The following SYT1 variants were observed in gnomAD, a reference collection of about 807,000 sequenced individuals.
SYT1 encodes synaptotagmin 1.
Under a neutral mutation model 44.8 loss-of-function variants are expected in SYT1, and 8 were observed. That is an observed-to-expected ratio of 0.18 (90% CI 0.10 to 0.32). SYT1 has a LOEUF of 0.32. SYT1 is among the 10% of genes least tolerant of loss of function. The probability of loss-of-function intolerance (pLI) is 1.00; values close to 1 mark genes in which losing one functional copy is unlikely to be tolerated. For synonymous variants in SYT1, 154 were observed against 188.8 expected (o/e 0.82, Z 1.51); for missense variants, 286 against 509.3 (o/e 0.56, Z 4.22).
chr12:79,409,559 A>G (rs1316289516), intron 9 of SYT1, among the ~76,000 whole-genome samples: 1 of 152,116 alleles, frequency 6.6e-6, no homozygotes, highest in African/African-American at 2.4e-5. Flanking sequence ...TTATACCTGA[A>G]TGGCCTAGAG....
At chr12:79,146,075 TC>T (rs1259692482) in intron 3 of SYT1, among the ~76,000 whole-genome samples, 4 of 152,126 alleles carry the variant, frequency 2.6e-5, no homozygotes, top group African/African-American at 9.7e-5. Flanking sequence ...GTGTTTTAAG[TC>T]CTGTGGAGGA....
intron 8 of SYT1, among the ~76,000 whole-genome samples, chr12:79,339,121 A>G (rs4842451): frequency 0.08 from 12,226 of 152,214 alleles, 1,187 homozygotes; most frequent in African/African-American, 0.24. Context: ...TAGTGCTGCA[A>G]TAAACATACG....
At chr12:78,912,440 T>C (rs1197603871) in intron 1 of SYT1, among the ~76,000 whole-genome samples, 1 of 151,840 alleles carries the variant, frequency 6.6e-6, no homozygotes, top group Non-Finnish European at 1.5e-5. Context: ...GGCTGAGACG[T>C]GGTGGAGAAT....
chr12:79,274,321 A>G (rs1592920473), intron 4 of SYT1, among the ~76,000 whole-genome samples: 2 of 152,266 alleles, frequency 1.3e-5, no homozygotes, highest in Admixed American at 6.5e-5. Flanking sequence ...TATTCTGAGC[A>G]TGAACTGCCT....
At chr12:79,000,094 G>A (rs757493020) in intron 2 of SYT1, among the ~76,000 whole-genome samples, 1 of 152,062 alleles carries the variant, frequency 6.6e-6, no homozygotes, top group Non-Finnish European at 1.5e-5. Context: ...CATCTCTAAA[G>A]TAATTCAAAA....
At chr12:79,286,210 C>A (rs1053190726) in intron 5 of SYT1, among the ~76,000 whole-genome samples, 1 of 152,158 alleles carries the variant, frequency 6.6e-6, no homozygotes, top group South Asian at 2.1e-4. Flanking sequence ...TCAGGCCCAT[C>A]TTGATGGGTT....
At chr12:79,415,660 A>G (rs1237553175) in intron 9 of SYT1, among the ~76,000 whole-genome samples, 3 of 152,202 alleles carry the variant, frequency 2.0e-5, no homozygotes, top group African/African-American at 7.2e-5. Context: ...CATAAACAAT[A>G]CTATTTTGAA....
chr12:79,161,264 G>A (rs1016074662), intron 3 of SYT1, among the ~76,000 whole-genome samples: 1 of 151,974 alleles, frequency 6.6e-6, no homozygotes, highest in Non-Finnish European at 1.5e-5. Flanking sequence ...TTATAAGACT[G>A]TATTTTTACT....
intron 3 of SYT1, among the ~76,000 whole-genome samples, chr12:79,179,493 C>A (rs948279392): frequency 1.9e-4 from 21 of 110,356 alleles, no homozygotes; most frequent in East Asian, 2.4e-4. Flanking sequence ...ATAGATATAT[C>A]TATATAGATA....
At chr12:79,402,976 T>C (rs1467994470) in intron 9 of SYT1, among the ~76,000 whole-genome samples, 1 of 152,202 alleles carries the variant, frequency 6.6e-6, no homozygotes. Context: ...ATTCAAAGCA[T>C]GGTTCCCATA....
At chr12:78,954,427 A>T (rs1451462424) in intron 1 of SYT1, among the ~76,000 whole-genome samples, 1 of 152,016 alleles carries the variant, frequency 6.6e-6, no homozygotes, top group African/African-American at 2.4e-5. Context: ...GTAATTTTTT[A>T]AATTACCAAA....
At position 79,244,764 on chromosome 12, in the gene SYT1, G is replaced by A. The variant is rs140921948; in HGVS notation, c.166+27079G>A. Among the ~76,000 whole-genome samples, 1,155 of 150,848 alleles carry A rather than the reference G, an allele frequency of 7.7e-3. 4 individuals carry two copies. The highest frequency in any genetic ancestry group is 0.014 in the African/African-American group (592 of 41,132). Reference sequence around the variant, plus strand: ...CTCCATGGTTATATTAACCTTCCCCGCTAAGTTTCCACACATCTCAGTTTA... The same window carrying A: ...CTCCATGGTTATATTAACCTTCCCCACTAAGTTTCCACACATCTCAGTTTA... On this transcript the variant is annotated intron_variant, in intron 4 of 10. Transcript: ENST00000261205.
chr12:79,041,455 G>C, intron 2 of SYT1, among the ~76,000 whole-genome samples: 1 of 150,852 alleles, frequency 6.6e-6, no homozygotes, highest in Non-Finnish European at 1.5e-5. Flanking sequence ...GAATGCTTGT[G>C]ATTTTTGTAC....
At chr12:79,211,265 T>C (rs980729493) in intron 3 of SYT1, among the ~76,000 whole-genome samples, 2 of 152,196 alleles carry the variant, frequency 1.3e-5, no homozygotes, top group Admixed American at 6.5e-5. Context: ...TTAGATACTT[T>C]TTATAACATC....
chr12:79,259,013 T>C (rs919264742), intron 4 of SYT1, among the ~76,000 whole-genome samples: 1 of 152,118 alleles, frequency 6.6e-6, no homozygotes, highest in Admixed American at 6.5e-5. Context: ...TATGAGAAAT[T>C]TGGACAGAAA....
At chr12:78,961,636 G>A (rs895091363) in intron 1 of SYT1, among the ~76,000 whole-genome samples, 21 of 151,974 alleles carry the variant, frequency 1.4e-4, no homozygotes, top group Non-Finnish European at 5.9e-5. Flanking sequence ...TGAGAAGGTA[G>A]TTATAGAATA....
intron 8 of SYT1, among the ~76,000 whole-genome samples, chr12:79,322,792 T>G (rs1249019060): frequency 6.6e-6 from 1 of 152,150 alleles, no homozygotes; most frequent in African/African-American, 2.4e-5. Flanking sequence ...TTGAGGCAGC[T>G]GGGAATGACT....
chr12:78,937,134 G>T (rs1173351087), intron 1 of SYT1, among the ~76,000 whole-genome samples: 3 of 152,192 alleles, frequency 2.0e-5, no homozygotes, highest in African/African-American at 7.2e-5. Flanking sequence ...CAAGGGCCTA[G>T]AATCAGGAAG....
chr12:79,164,134 A>G (rs1229668698), intron 3 of SYT1, among the ~76,000 whole-genome samples: 2 of 152,124 alleles, frequency 1.3e-5, no homozygotes, highest in Non-Finnish European at 2.9e-5. Flanking sequence ...TAAAGTAAGC[A>G]TGGTATTATC....
Sources: gnomAD v4.1 joint callset for allele counts (sites outside exome capture counted in the v4.1 genomes callset) on GRCh38, gnomAD v4.1.1 for gene constraint, MANE v1.5 for transcripts, NCBI Gene and HGNC (gene_info 2026-07-23, HGNC 2026-07-21) for gene names.